SCML4: variants seen among roughly 807,000 people sequenced by gnomAD.
SCML4 encodes sex comb on midleg-like protein 4.
SCML4 carries 34 observed loss-of-function variants against 41.1 expected under a neutral mutation model. The observed-to-expected ratio is 0.83, with a 90% confidence interval of 0.63 to 1.10. SCML4 has a LOEUF of 1.10. Ranked by LOEUF, SCML4 falls within the 50% of genes least tolerant of loss-of-function variation. The pLI is 0.00. For missense variants in SCML4, 522 were observed against 534.1 expected (o/e 0.98, Z 0.22); for synonymous variants, 214 against 220.9 (o/e 0.97, Z 0.28).
rs773751381 is a variant in SCML4 at position 107,707,931 on chromosome 6, C to T, written c.1054G>A (p.Val352Met). 5.8e-6 allele frequency: 9 copies of T among 1,551,704 alleles called. No homozygotes were observed. In the South Asian group the frequency reaches 7.1e-5, roughly 12 times the overall value. ...NPSAWTVEDV[V>M]WFVKDADPQA... is the part of the protein sequence containing the mutation. ...GGGTCGGCGTCCTTCACAAACCACA[C>T]CACGTCCTCCACAGTCCAGGCGGAG... Residue 352 changes from valine to methionine, a missense_variant, in exon 7 of 8, where the codon GTG becomes ATG. Transcript: ENST00000369020.
At chr6:107,814,127 G>A (rs1250974577) in intron 1 of SCML4, among the ~76,000 whole-genome samples, 1 of 152,228 alleles carries the variant, frequency 6.6e-6, no homozygotes, top group African/African-American at 2.4e-5. Flanking sequence ...GTCAAGGAGA[G>A]GGGAGTTAGA....
chr6:107,704,941 A>G lies in SCML4; in HGVS notation c.*259T>C. 1 of 527,158 alleles carries G rather than the reference A, an allele frequency of 1.9e-6. No homozygotes were observed. The highest frequency in any genetic ancestry group is 3.5e-5 in the East Asian group (1 of 28,422). The allele number at this position is 527,158 out of a possible 1,614,324, so 32.7% of individuals were successfully genotyped here. ...GCAAATAGGACCCACTTTAAGAGAA[A>G]CCAGCATAACAGGGATGTTAAAAAT... On this transcript the variant is annotated 3_prime_UTR_variant, in exon 8 of 8. Transcript: ENST00000369020.
chr6:107,707,959 G>C lies in SCML4; in HGVS notation c.1026C>G (p.Asn342Lys). 3 of 1,551,566 alleles carry C rather than the reference G, an allele frequency of 1.9e-6. No individual in the cohort carries two copies. The highest frequency in any genetic ancestry group is 2.6e-6 in the Non-Finnish European group (3 of 1,146,998). Residue 342 changes from asparagine to lysine, a missense_variant, in exon 7 of 8, where the codon AAC becomes AAG. Physicochemically the swap from Asn to Lys is moderately conservative, Grantham distance 94 (BLOSUM62 0). Coordinates refer to ENST00000369020, the MANE Select transcript of SCML4 (RefSeq NM_198081.5). ...AQDARRPRSR[N>K]PSAWTVEDVV... The stretch of plus-strand genomic sequence containing the variant: ...CGTCCTCCACAGTCCAGGCGGAGGG[G>C]TTCCTGCTCCGTGGCCGCCTGGCAT...
intron 2 of SCML4, chr6:107,755,533 C>T: frequency 9.1e-7 from 1 of 1,094,106 alleles, no homozygotes; most frequent in South Asian, 1.5e-5. Context: ...AGAAGCTTTG[C>T]TCTAGTGTGA....
At chr6:107,775,721 T>C (rs1216298367) in intron 1 of SCML4, among the ~76,000 whole-genome samples, 1 of 152,156 alleles carries the variant, frequency 6.6e-6, no homozygotes, top group African/African-American at 2.4e-5. Context: ...CAAACTGACT[T>C]TAGAAAAAGA....
chr6:107,721,470 C>T (rs555758598), intron 5 of SCML4, among the ~76,000 whole-genome samples: 51 of 151,828 alleles, frequency 3.4e-4, no homozygotes, highest in African/African-American at 1.2e-3. Context: ...GAGGCTGAGG[C>T]AGGAGAATCG....
the SCML4 span, among the ~76,000 whole-genome samples, chr6:107,844,944 A>T: frequency 1.2e-4 from 18 of 150,456 alleles, no homozygotes; most frequent in East Asian, 7.8e-4. Flanking sequence ...TTAAAAAAAA[A>T]AAAAAAAAAG....
rs149957760 is a variant in SCML4 at position 107,814,054 on chromosome 6, G to C, written c.-60+10072C>G. Among the ~76,000 whole-genome samples, 742 of 152,312 alleles carry C rather than the reference G, an allele frequency of 4.9e-3. 1 individual carries two copies. The highest frequency in any genetic ancestry group is 7.9e-3 in the Non-Finnish European group (538 of 68,034). On this transcript the variant is annotated intron_variant, in intron 1 of 7. Coordinates refer to ENST00000369020, the MANE Select transcript of SCML4 (RefSeq NM_198081.5). Reference sequence around the variant, plus strand: ...TCCAAAGACCCAGTAGAGCTGCAAGGCTCCATATATCCATCCTGGAAGGTC... The same window carrying C: ...TCCAAAGACCCAGTAGAGCTGCAAGCCTCCATATATCCATCCTGGAAGGTC...
intron 1 of SCML4, among the ~76,000 whole-genome samples, chr6:107,796,052 C>A (rs1407180337): frequency 3.3e-5 from 5 of 152,124 alleles, no homozygotes; most frequent in African/African-American, 7.2e-5. Flanking sequence ...TGTGAATATG[C>A]CACAATTTGT....
At chr6:107,773,579 A>AAGAC (rs1200203426) in intron 1 of SCML4, among the ~76,000 whole-genome samples, 1 of 116,844 alleles carries the variant, frequency 8.6e-6, no homozygotes, top group African/African-American at 3.3e-5. Context: ...GTGACAGAGC[A>AAGAC]AGACTGTCTC....
chr6:107,824,462 C>CTGTGTGTGTGTG (rs58212021), upstream of SCML4: 8 of 134,852 alleles, frequency 5.9e-5, no homozygotes, highest in South Asian at 2.6e-4. Context: ...AACGAGGCCT[C>CTGTGTGTGTGTG]TGTGTGTGTG....
chr6:107,794,963 C>T (rs888842729), intron 1 of SCML4, among the ~76,000 whole-genome samples: 20 of 152,324 alleles, frequency 1.3e-4, no homozygotes, highest in African/African-American at 4.3e-4. Flanking sequence ...TGTATCACCA[C>T]ATGGCCTTCT....
the SCML4 span, among the ~76,000 whole-genome samples, chr6:107,835,782 A>AG: frequency 1.3e-4 from 19 of 151,594 alleles, no homozygotes; most frequent in East Asian, 1.9e-3. Flanking sequence ...AAAAAAAAAA[A>AG]AGAGAGAGCA....
At chr6:107,834,122 C>T in the SCML4 span, among the ~76,000 whole-genome samples, 1 of 152,080 alleles carries the variant, frequency 6.6e-6, no homozygotes, top group Non-Finnish European at 1.5e-5. Flanking sequence ...GAAACTGGGC[C>T]TTTTTTCAAG....
chr6:107,804,786 G>GA (rs1205062890), intron 1 of SCML4, among the ~76,000 whole-genome samples: 14 of 152,124 alleles, frequency 9.2e-5, no homozygotes, highest in Admixed American at 3.9e-4. Context: ...AGACCAGCCT[G>GA]GGCAACATAG....
intron 5 of SCML4, among the ~76,000 whole-genome samples, chr6:107,733,329 A>G (rs1479416976): frequency 6.6e-6 from 1 of 152,232 alleles, no homozygotes; most frequent in African/African-American, 2.4e-5. Flanking sequence ...TTATTAACTC[A>G]GCAGTAGCTA....
intron 1 of SCML4, among the ~76,000 whole-genome samples, chr6:107,781,399 CACTTT>C (rs1781483466): frequency 6.6e-6 from 1 of 152,170 alleles, no homozygotes; most frequent in African/African-American, 2.4e-5. Context: ...GTAATCCCAG[CACTTT>C]GGGAGGCCGA....
chr6:107,758,967 T>G (rs1583508154), intron 2 of SCML4, among the ~76,000 whole-genome samples: 1 of 152,202 alleles, frequency 6.6e-6, no homozygotes. Flanking sequence ...AAGCTAGTTT[T>G]CATTTTATAA....
chr6:107,732,482 CA>C (rs775777009), intron 5 of SCML4: 11 of 152,268 alleles, frequency 7.2e-5, no homozygotes, highest in Non-Finnish European at 5.9e-5. Flanking sequence ...AGATGCACAG[CA>C]ACCGACCATA....
Sources: gnomAD v4.1 joint callset for allele counts (sites outside exome capture counted in the v4.1 genomes callset) on GRCh38, gnomAD v4.1.1 for gene constraint, MANE v1.5 for transcripts, NCBI Gene and HGNC (gene_info 2026-07-23, HGNC 2026-07-21) for gene names.